SCN10A: variants seen among roughly 807,000 people sequenced by gnomAD.
SCN10A encodes the protein sodium channel protein type 10 subunit alpha.
A neutral mutation model predicts 170.7 loss-of-function variants in SCN10A; 162 were observed. The observed-to-expected ratio is 0.95, with a 90% CI of 0.84 to 1.08. The LOEUF (loss-of-function observed/expected upper bound fraction) is 1.08, where lower values mean the gene tolerates loss of function less well. Among genes scored for constraint, SCN10A ranks in the 50% least tolerant of loss-of-function variants. SCN10A has a pLI of 0.00. For synonymous variants in SCN10A, 985 were observed against 904.6 expected, an observed-to-expected ratio of 1.09 and a Z score of -1.59; for missense variants, 2,527 against 2,436.9, an observed-to-expected ratio of 1.04 and a Z score of -0.78.
At chr3:38,765,952 T>A (rs1051914335) in intron 5 of SCN10A, among the ~76,000 whole-genome samples, 5 of 151,024 alleles carry the variant, frequency 3.3e-5, no homozygotes, top group African/African-American at 1.2e-4. Context: ...TTAGGTATAT[T>A]CCTAAGATTT....
At chr3:38,737,281 T>C (rs1488088489) in intron 15 of SCN10A, among the ~76,000 whole-genome samples, 2 of 151,534 alleles carry the variant, frequency 1.3e-5, no homozygotes, top group Non-Finnish European at 2.9e-5. Context: ...CGTATTTTAT[T>C]AGAAAACTAA....
intron 5 of SCN10A, among the ~76,000 whole-genome samples, chr3:38,765,048 A>T (rs1342319263): frequency 6.6e-6 from 1 of 151,416 alleles, no homozygotes; most frequent in Non-Finnish European, 1.5e-5. Flanking sequence ...CCACTTTTGG[A>T]TGGGATTATT....
At chr3:38,741,706 G>T (rs924941350) in intron 14 of SCN10A, among the ~76,000 whole-genome samples, 1 of 152,106 alleles carries the variant, frequency 6.6e-6, no homozygotes, top group Non-Finnish European at 1.5e-5. Flanking sequence ...ATTTAAAGCA[G>T]CATGATGTCT....
chr3:38,802,235 C>G (rs536555021), intron 1 of SCN10A, among the ~76,000 whole-genome samples: 1 of 152,262 alleles, frequency 6.6e-6, no homozygotes, highest in African/African-American at 2.4e-5. Flanking sequence ...ATCTGGCCAG[C>G]TTCCCAGACC....
intron 4 of SCN10A, among the ~76,000 whole-genome samples, chr3:38,772,322 G>GAAAA (rs147803028): frequency 1.5e-5 from 2 of 133,864 alleles, no homozygotes; most frequent in Admixed American, 7.6e-5. Context: ...CCAAACAACT[G>GAAAA]AAAAAAAAAA....
At chr3:38,795,384 G>A (rs1283121249) in intron 1 of SCN10A, among the ~76,000 whole-genome samples, 3 of 133,530 alleles carry the variant, frequency 2.2e-5, no homozygotes, top group South Asian at 2.5e-4. Context: ...ACTGTCACCC[G>A]GACTAGAGTG....
In SCN10A at chr3:38,723,521, G is replaced by A. The variant is rs751026757; in HGVS notation, c.3261C>T (p.Ser1087=). The A allele has an allele frequency of 2.5e-6, 4 of 1,609,096 alleles. No homozygotes were observed. Among genetic ancestry groups the A allele is most frequent in the Non-Finnish European group, 3.4e-6 (4 of 1,177,418 alleles). The stretch of plus-strand genomic sequence containing the variant: ...CCTCAGGATCTAGGCAGTCCACCGT[G>A]CTGCCCTCAGAGGAGCTTGTGTCGT... ...GVDDTSSSEG[S]TVDCLDPEEI... The change falls in exon 19 of 28, where the codon AGC becomes AGT. Residue 1087 remains serine, a synonymous_variant. Transcript: ENST00000449082.
At chr3:38,772,602 T>A (rs1055130942) in intron 4 of SCN10A, among the ~76,000 whole-genome samples, 14 of 151,996 alleles carry the variant, frequency 9.2e-5, no homozygotes, top group African/African-American at 3.1e-4. Flanking sequence ...GGCGGGAGAA[T>A]GGCGTGAACC....
intron 15 of SCN10A, among the ~76,000 whole-genome samples, chr3:38,734,843 A>G (rs1370290060): frequency 6.6e-6 from 1 of 152,196 alleles, no homozygotes; most frequent in Non-Finnish European, 1.5e-5. Flanking sequence ...ACAGTGATCT[A>G]GTAAAAAGAA....
intron 1 of SCN10A, among the ~76,000 whole-genome samples, chr3:38,797,173 G>A (rs922085283): frequency 6.6e-6 from 1 of 152,014 alleles, no homozygotes; most frequent in African/African-American, 2.4e-5. Context: ...CTATGATGGA[G>A]ATCCTGCTTG....
chr3:38,756,636 C>A, intron 10 of SCN10A, 38 bp downstream of exon 10: 2 of 1,553,008 alleles, frequency 1.3e-6, no homozygotes, highest in South Asian at 1.1e-5. Context: ...AATGGACAGT[C>A]TGCAACCTTC....
intron 4 of SCN10A, among the ~76,000 whole-genome samples, chr3:38,785,943 A>T (rs950534902): frequency 4.6e-5 from 7 of 152,158 alleles, no homozygotes; most frequent in African/African-American, 1.7e-4. Context: ...GTCTCATACC[A>T]GTTAGAATGG....
At chr3:38,762,306 G>A (rs1223312982) in intron 6 of SCN10A, among the ~76,000 whole-genome samples, 3 of 152,190 alleles carry the variant, frequency 2.0e-5, no homozygotes, top group African/African-American at 7.2e-5. Flanking sequence ...GGGAAAGTCT[G>A]TAGCATTACT....
At chr3:38,707,442 C>T in intron 25 of SCN10A, 59 bp from the exon 26 acceptor site, 9 of 1,543,690 alleles carry the variant, frequency 5.8e-6, no homozygotes, top group Non-Finnish European at 8.1e-6. Context: ...ATACCAAAAT[C>T]AGAACAGGCA....
At chr3:38,724,783 T>A (rs2063434386) in intron 18 of SCN10A, among the ~76,000 whole-genome samples, 1 of 152,236 alleles carries the variant, frequency 6.6e-6, no homozygotes, top group Non-Finnish European at 1.5e-5. Context: ...AGGCAGGACC[T>A]AAACATTTGA....
At position 38,714,072 on chromosome 3, in the gene SCN10A, C is replaced by T. The variant is rs760141969; in HGVS notation, c.3690G>A (p.Leu1230=). ...WLDFLIVNIS[L]ISLTAKILEY... is the part of the protein sequence containing the mutation. Reference sequence around the variant, plus strand: ...CCAGAATCTTCGCTGTGAGACTTATCAGTGAGATCTGAGTGCAGGAGAGGG... The same window carrying T: ...CCAGAATCTTCGCTGTGAGACTTATTAGTGAGATCTGAGTGCAGGAGAGGG... Residue 1230 remains leucine (L), a synonymous_variant, in exon 22 of 28, where the codon CTG becomes CTA. Coordinates refer to ENST00000449082, the MANE Select transcript of SCN10A (RefSeq NM_006514.4). The T allele has an allele frequency of 6.2e-7, 1 of 1,614,148 alleles. No homozygotes were observed. The highest frequency in any genetic ancestry group is 1.3e-5 in the African/African-American group (1 of 75,052).
rs202134330 is a variant in SCN10A at position 38,714,014 on chromosome 3, G to T, written c.3748C>A (p.Arg1250=). 6.2e-7 allele frequency: 1 copy of T among 1,614,038 alleles called. No individual in the cohort carries two copies. The highest frequency in any genetic ancestry group is 1.3e-5 in the African/African-American group (1 of 74,950). Reference sequence around the variant, plus strand: ...AGTGGCCGCAGAGCGCGAAGGGTTCGAAGGGCTTTGATGGGAGCCACTTCA... The same window carrying T: ...AGTGGCCGCAGAGCGCGAAGGGTTCTAAGGGCTTTGATGGGAGCCACTTCA... ...YSEVAPIKAL[R]TLRALRPLRA... Residue 1250 remains arginine, a synonymous_variant, in exon 22 of 28, where the codon CGA becomes AGA. Coordinates refer to ENST00000449082, the MANE Select transcript of SCN10A (RefSeq NM_006514.4).
chr3:38,712,280 A>G lies in SCN10A; in HGVS notation c.3970T>C (p.Ser1324Pro). 6.2e-7 allele frequency: 1 copy of G among 1,614,200 alleles called. No individual in the cohort carries two copies. The highest frequency in any genetic ancestry group is 8.5e-7 in the Non-Finnish European group (1 of 1,180,026). The change falls in exon 23 of 28, where the codon TCG (serine) becomes CCG (proline). Residue 1324 changes from serine (S) to proline (P), a missense_variant. Coordinates refer to ENST00000449082, the MANE Select transcript of SCN10A (RefSeq NM_006514.4). Reference sequence around the variant, plus strand: ...CAGTCAGACTTGTTATTCACAATCGACAAAGGTACAAGGGAAAACTCTCCA... The same window carrying G: ...CAGTCAGACTTGTTATTCACAATCGGCAAAGGTACAAGGGAAAACTCTCCA... ...TDGEFSLVPL[S>P]IVNNKSDCKI...
chr3:38,799,536 C>T (rs774626995), intron 1 of SCN10A, among the ~76,000 whole-genome samples: 1 of 152,124 alleles, frequency 6.6e-6, no homozygotes, highest in Non-Finnish European at 1.5e-5. Context: ...AAGTGACAGC[C>T]AATCTTGAAC....
Sources: allele counts gnomAD v4.1 joint callset (sites outside exome capture counted in the v4.1 genomes callset), GRCh38; gene constraint gnomAD v4.1.1; transcripts MANE v1.5; gene names NCBI Gene and HGNC (gene_info 2026-07-23, HGNC 2026-07-21).